SYPL2: variants seen among roughly 807,000 people sequenced by gnomAD.
SYPL2 encodes the protein synaptophysin-like protein 2.
In SYPL2, 24 loss-of-function variants were observed where a neutral mutation model predicts 31.3. The ratio of observed to expected loss-of-function variants is 0.77; its 90% CI spans 0.56 to 1.08. The LOEUF is 1.08. SYPL2 is among the 50% of genes least tolerant of loss of function. SYPL2 has a pLI of 0.00. For missense variants in SYPL2, 342 were observed against 360.1 expected, an observed-to-expected ratio of 0.95 and a Z score of 0.41; for synonymous variants, 144 against 143.1, an observed-to-expected ratio of 1.01 and a Z score of -0.05.
rs1488069135 is a variant in SYPL2 at position 109,480,984 on chromosome 1, A to C, written c.*1436A>C. On this transcript the variant is annotated 3_prime_UTR_variant, in exon 6 of 6. Transcript: ENST00000369872. ...CCCAGGGAAGGAAGAAGAGGGAAGA[A>C]TCCGACCACTTTCCAATCCAGTGCC... 6.5e-6 allele frequency: 1 copy of C among 152,760 alleles called. No individual in the cohort carries two copies. The highest frequency in any genetic ancestry group is 1.5e-5 in the Non-Finnish European group (1 of 68,120). 9.5% of individuals were successfully genotyped at this position (152,760 alleles called of 1,614,324 possible).
intron 2 of SYPL2, among the ~76,000 whole-genome samples, 179 bp downstream of exon 2, chr1:109,467,312 G>A (rs896167047): frequency 6.6e-6 from 1 of 152,154 alleles, no homozygotes; most frequent in Non-Finnish European, 1.5e-5. Flanking sequence ...CGGACTTAGT[G>A]GCAGGAGGGT....
In SYPL2 at chr1:109,478,707, G is replaced by A. The variant is rs1656072995; in HGVS notation, c.649-671G>A. On this transcript the variant is annotated intron_variant, in intron 5 of 5. Transcript: ENST00000369872. This position sits in a 1 kb window ranked among gnomAD's most constrained non-coding sequence, Gnocchi z 4.0. ...GGTTCCCCCCCAAAAAAATTTTATT[G>A]TAGAAATGTTCACAGGTACAACAAA... Among the ~76,000 whole-genome samples, 1 of 152,108 alleles carries A rather than the reference G, an allele frequency of 6.6e-6. No individual in the cohort carries two copies. The highest frequency in any genetic ancestry group is 1.5e-5 in the Non-Finnish European group (1 of 68,014).
intron 2 of SYPL2, 69 bp downstream of exon 2, chr1:109,467,202 G>A (rs1655675965): frequency 1.5e-6 from 2 of 1,379,126 alleles, no homozygotes; most frequent in Non-Finnish European, 1.9e-6. Flanking sequence ...AAGCAATGGA[G>A]CCAGGGTGGG....
rs1656068019 is a variant in SYPL2 at position 109,478,542 on chromosome 1, A to T, written c.648+533A>T. 6.6e-6 allele frequency among the ~76,000 whole-genome samples: 1 copy of T among 152,174 alleles called. No homozygotes were observed. The highest frequency in any genetic ancestry group is 1.5e-5 in the Non-Finnish European group (1 of 68,018). On this transcript the variant is annotated intron_variant, in intron 5 of 5. Transcript: ENST00000369872. This position sits in a 1 kb window ranked among gnomAD's most constrained non-coding sequence, Gnocchi z 4.0. Reference sequence around the variant, plus strand: ...GTCCATATCCATTGGTAAAGAGCTGAGGTCTTGAGCTTCTCAAATGCTGCC... The same window carrying T: ...GTCCATATCCATTGGTAAAGAGCTGTGGTCTTGAGCTTCTCAAATGCTGCC...
intron 1 of SYPL2, 43 bp downstream of exon 1, chr1:109,466,940 C>T (rs1655659309): frequency 6.5e-7 from 1 of 1,533,330 alleles, no homozygotes; most frequent in Admixed American, 2.0e-5. Context: ...CCCTCTCCAC[C>T]TAGATGTCGG....
chr1:109,467,488 C>G (rs10857786), intron 2 of SYPL2, among the ~76,000 whole-genome samples: 102,760 of 151,892 alleles, frequency 0.68, 35,506 homozygotes, highest in East Asian at 0.96. Context: ...AGAAGGACGA[C>G]GGGGACGAGG....
chr1:109,466,930 C>T lies in SYPL2; in HGVS notation c.54+33C>T, dbSNP rs112983438. 4.8e-5 allele frequency: 73 copies of T among 1,532,486 alleles called. No individual in the cohort carries two copies. In the African/African-American group the frequency reaches 5.9e-4, roughly 12 times the overall value. 94.9% of individuals were successfully genotyped at this position (1,532,486 alleles called of 1,614,324 possible). On this transcript the variant is annotated intron_variant, in intron 1 of 5. Transcript: ENST00000369872. ...CTGCGCGCCCAGGACTCTCACCCGCCCCTCTCCACCTAGATGTCGGGCTGC... is the reference window on the plus strand; with the variant it reads ...CTGCGCGCCCAGGACTCTCACCCGCTCCTCTCCACCTAGATGTCGGGCTGC...
Position 109,475,417 on chromosome 1 carries a change from A to C in SYPL2, c.130-164A>C, listed in dbSNP as rs981135227. On this transcript the variant is annotated intron_variant, in intron 2 of 5. Transcript: ENST00000369872. ...TCCAGCAGCCTGAGGCTGGAAGATA[A>C]ATGGAAGCCATGGGTTTCTACCTAG... 6 of 951,076 alleles carry C rather than the reference A, an allele frequency of 6.3e-6. No homozygotes were observed. In the African/African-American group the frequency reaches 8.3e-5, roughly 13 times the overall value. 58.9% of individuals were successfully genotyped at this position (951,076 alleles called of 1,614,324 possible).
chr1:109,479,708 C>A lies in SYPL2; in HGVS notation c.*160C>A. 2 of 1,135,184 alleles carry A rather than the reference C, an allele frequency of 1.8e-6. No homozygotes were observed. The highest frequency in any genetic ancestry group is 2.5e-5 in the East Asian group (1 of 39,688). The allele number at this position is 1,135,184 out of a possible 1,614,324, so 70.3% of individuals were successfully genotyped here. On this transcript the variant is annotated 3_prime_UTR_variant, in exon 6 of 6. Coordinates refer to ENST00000369872, the MANE Select transcript of SYPL2 (RefSeq NM_001040709.2). ...AGGCATCAGCTGTTGGAAACCTGGGCAGCCCTCTCAGTGGCTTCCTATCCT... is the reference window on the plus strand; with the variant it reads ...AGGCATCAGCTGTTGGAAACCTGGGAAGCCCTCTCAGTGGCTTCCTATCCT...
chr1:109,466,744 T>C lies in SYPL2; in HGVS notation c.-100T>C. The C allele has an allele frequency of 7.6e-7, 1 of 1,311,346 alleles. No individual in the cohort carries two copies. The highest frequency in any genetic ancestry group is 9.9e-7 in the Non-Finnish European group (1 of 1,012,756). The allele number at this position is 1,311,346 out of a possible 1,614,324, so 81.2% of individuals were successfully genotyped here. A position where few individuals can be genotyped will look rare whatever the true frequency, so the allele number is the denominator to read the frequency against. ...TCGCGCTCCGGCCCCGCTCGCCTGC[T>C]CTGCCCCGGACCTGCAGCTCCCCGC... On this transcript the variant is annotated 5_prime_UTR_variant, in exon 1 of 6. Coordinates refer to ENST00000369872, the MANE Select transcript of SYPL2 (RefSeq NM_001040709.2).
At chr1:109,477,104 C>A in intron 4 of SYPL2, 127 bp downstream of exon 4, 1 of 1,119,764 alleles carries the variant, frequency 8.9e-7, no homozygotes, top group Non-Finnish European at 1.3e-6. Flanking sequence ...CTGCCTCCAT[C>A]AACCTCCCGT....
Position 109,475,652 on chromosome 1 carries a change from C to T in SYPL2, c.201C>T (p.Asn67=). The T allele has an allele frequency of 6.2e-7, 1 of 1,614,154 alleles. No homozygotes were observed. The highest frequency in any genetic ancestry group is 2.2e-5 in the East Asian group (1 of 44,878). The change falls in exon 3 of 6, where the codon AAC becomes AAT. Residue 67 remains asparagine, a synonymous_variant. Transcript: ENST00000369872. The part of the protein sequence containing the change: ...SGETGAMVRC[N]NEAKDVSSII... ...AGACAGGAGCAATGGTTCGCTGCAACAACGAAGCCAAGGACGTGAGCTCCA... is the reference window on the plus strand; with the variant it reads ...AGACAGGAGCAATGGTTCGCTGCAATAACGAAGCCAAGGACGTGAGCTCCA...
rs918327722 is a variant in SYPL2, at chr1:109,476,649, G to A, written c.255-127G>A. The A allele has an allele frequency of 6.5e-5, 60 of 916,332 alleles. No individual in the cohort carries two copies. The Middle Eastern group carries it at 2.0e-3, about 31-fold the overall frequency. 56.8% of individuals were successfully genotyped at this position (916,332 alleles called of 1,614,324 possible). ...ACTGCAAGGTTCCTTCCAGAAACTT[G>A]CCTCCTTACATGACCCCTTTCTTGG... On this transcript the variant is annotated intron_variant, in intron 3 of 5. Coordinates refer to ENST00000369872, the MANE Select transcript of SYPL2 (RefSeq NM_001040709.2).
chr1:109,474,319 T>C (rs1048241503), intron 2 of SYPL2, among the ~76,000 whole-genome samples: 4 of 130,604 alleles, frequency 3.1e-5, no homozygotes, highest in African/African-American at 1.3e-4. Flanking sequence ...TTTTCTTTTC[T>C]TTTCTTTTTT....
chr1:109,479,776 T>A lies in SYPL2; in HGVS notation c.*228T>A, dbSNP rs182278896. 296 of 620,086 alleles carry A rather than the reference T, an allele frequency of 4.8e-4. No homozygotes were observed. The African/African-American group carries it at 5.0e-3, about 10-fold the overall frequency. The allele number at this position is 620,086 out of a possible 1,614,324, so 38.4% of individuals were successfully genotyped here. A position where few individuals can be genotyped will look rare whatever the true frequency, so the allele number is the denominator to read the frequency against. ...TGAATGGCAGGAGCTCAGTGCTTCTTGTGCAGTGCCTGGACCCAGGTATCT... is the reference window on the plus strand; with the variant it reads ...TGAATGGCAGGAGCTCAGTGCTTCTAGTGCAGTGCCTGGACCCAGGTATCT... On this transcript the variant is annotated 3_prime_UTR_variant, in exon 6 of 6. Coordinates refer to ENST00000369872, the MANE Select transcript of SYPL2 (RefSeq NM_001040709.2).
chr1:109,475,514 A>G (rs1276402207), intron 2 of SYPL2, 67 bp from the exon 3 acceptor site: 2 of 1,570,768 alleles, frequency 1.3e-6, no homozygotes, highest in Non-Finnish European at 1.7e-6. Context: ...GCGGGGAGTC[A>G]CGGTTAGTTC....
Position 109,466,619 on chromosome 1 carries a change from G to A in SYPL2, c.-225G>A. ...GTCGGGGGCTTTCTGCTGCCGGCGG[G>A]GCACCGCGGCGGCCGCAGCCTCTGA... On this transcript the variant is annotated 5_prime_UTR_variant, in exon 1 of 6. Coordinates refer to ENST00000369872, the MANE Select transcript of SYPL2 (RefSeq NM_001040709.2). 1 of 410,432 alleles carries A rather than the reference G, an allele frequency of 2.4e-6. No homozygotes were observed. 25.4% of individuals were successfully genotyped at this position (410,432 alleles called of 1,614,324 possible). A position where few individuals can be genotyped will look rare whatever the true frequency, so the allele number is the denominator to read the frequency against.
At chr1:109,472,017 T>G (rs1655851020) in intron 2 of SYPL2, among the ~76,000 whole-genome samples, 1 of 152,196 alleles carries the variant, frequency 6.6e-6, no homozygotes, top group South Asian at 2.1e-4. Flanking sequence ...ATTTTTTATT[T>G]AATTTAATTC....
In SYPL2 at chr1:109,478,050, C is replaced by A; in HGVS notation, c.648+41C>A. ...ACTGCAGGAAGCAGCACCAGCCCTG[C>A]TGCCCAGGCCTGTCCCAGCTAGCAG... On this transcript the variant is annotated intron_variant, in intron 5 of 5. Coordinates refer to ENST00000369872, the MANE Select transcript of SYPL2 (RefSeq NM_001040709.2). This position sits in a 1 kb window ranked among gnomAD's most constrained non-coding sequence, Gnocchi z 4.0. 4 of 1,606,796 alleles carry A rather than the reference C, an allele frequency of 2.5e-6. No individual in the cohort carries two copies. The highest frequency in any genetic ancestry group is 3.4e-6 in the Non-Finnish European group (4 of 1,177,132).
Sources: allele counts gnomAD v4.1 joint callset (sites outside exome capture counted in the v4.1 genomes callset), GRCh38; gene constraint gnomAD v4.1.1; non-coding constraint Gnocchi (gnomAD v3.1); transcripts MANE v1.5; gene names NCBI Gene and HGNC (gene_info 2026-07-23, HGNC 2026-07-21).